PLTP: variants seen among roughly 807,000 people sequenced by gnomAD.
PLTP encodes BPI fold containing family E.
A neutral mutation model predicts 54.1 loss-of-function variants in PLTP; 43 were observed. The ratio of observed to expected loss-of-function variants is 0.79; its 90% CI spans 0.62 to 1.02. The LOEUF is 1.02. Among genes scored for constraint, PLTP ranks in the 50% least tolerant of loss-of-function variants. The probability of loss-of-function intolerance (pLI) is 0.00; values close to 1 mark genes in which losing one functional copy is unlikely to be tolerated. For synonymous variants in PLTP, 263 were observed against 264.6 expected, an observed-to-expected ratio of 0.99 and a Z score of 0.06; for missense variants, 604 against 645.9, an observed-to-expected ratio of 0.94 and a Z score of 0.70.
chr20:45,900,052 G>T (rs532692364), intron 12 of PLTP, among the ~76,000 whole-genome samples, 174 bp from the exon 13 acceptor site: 1 of 151,074 alleles, frequency 6.6e-6, no homozygotes, highest in Non-Finnish European at 1.5e-5. Context: ...CTGCCACTTG[G>T]GTCTCCTTTT....
chr20:45,900,233 T>C (rs1241630166), intron 12 of PLTP, among the ~76,000 whole-genome samples: 1 of 148,322 alleles, frequency 6.7e-6, no homozygotes, highest in African/African-American at 2.5e-5. Context: ...GCCTCCCGAG[T>C]AACTGGGACT....
intron 12 of PLTP, among the ~76,000 whole-genome samples, chr20:45,900,098 CTTTTTTT>C (rs71181874): frequency 1.1e-4 from 6 of 55,742 alleles, no homozygotes; most frequent in African/African-American, 2.8e-4. Context: ...TTGAGCACCT[CTTTTTTT>C]TTTTTTTTTT....
chr20:45,901,456 T>TGGTA (rs930664531), intron 12 of PLTP, among the ~76,000 whole-genome samples: 75 of 152,018 alleles, frequency 4.9e-4, no homozygotes, highest in African/African-American at 1.7e-3. Flanking sequence ...TAGTCAGGCA[T>TGGTA]GGTAGTGCAT....
chr20:45,904,463 C>CA (rs558426126), intron 10 of PLTP, among the ~76,000 whole-genome samples: 25 of 149,546 alleles, frequency 1.7e-4, no homozygotes, highest in Middle Eastern at 6.9e-3. Context: ...ACTCTTGTCT[C>CA]AAAAAAAAAA....
intron 3 of PLTP, 103 bp from the exon 4 acceptor site, chr20:45,910,173 G>T (rs774962695): frequency 1.6e-6 from 2 of 1,271,818 alleles, no homozygotes; most frequent in Non-Finnish European, 2.3e-6. Flanking sequence ...CTGGGGAAGC[G>T]GGAGTGGGTG....
At chr20:45,910,315 G>A (rs2083278165) in intron 3 of PLTP, among the ~76,000 whole-genome samples, 1 of 152,060 alleles carries the variant, frequency 6.6e-6, no homozygotes, top group Admixed American at 6.6e-5. Context: ...TCGCTTAAAA[G>A]TCTTGTTTGT....
At chr20:45,907,926 G>A (rs750651907) in intron 5 of PLTP, 22 bp from the exon 6 acceptor site, 2 of 1,559,254 alleles carry the variant, frequency 1.3e-6, no homozygotes, top group East Asian at 4.7e-5. Context: ...GGAGAGGCCG[G>A]ATGAGCCCAG....
intron 12 of PLTP, among the ~76,000 whole-genome samples, chr20:45,900,523 C>T (rs1031279622): frequency 6.6e-6 from 1 of 151,800 alleles, no homozygotes; most frequent in African/African-American, 2.4e-5. Flanking sequence ...TATTTATTTT[C>T]TTTTTTTATT....
rs761159698 is a variant in PLTP at position 45,907,769 on chromosome 20, G to A, written c.550-14C>T. 5.3e-5 allele frequency: 86 copies of A among 1,612,914 alleles called. 3 individuals carry two copies. In the South Asian group the frequency reaches 9.4e-4, roughly 18 times the overall value. On this transcript the variant is annotated splice_polypyrimidine_tract_variant and intron_variant, in intron 6 of 15. Transcript: ENST00000372431. Reference sequence around the variant, plus strand: ...GACAGGGCAGATCTGCGAGGTGGGAGCCAGAGTCAGGGCCTTCTCAAAGTG... The same window carrying A: ...GACAGGGCAGATCTGCGAGGTGGGAACCAGAGTCAGGGCCTTCTCAAAGTG...
intron 13 of PLTP, 29 bp downstream of exon 13, chr20:45,899,807 G>GGGCCCGCGGGCC: frequency 7.3e-7 from 1 of 1,369,468 alleles, no homozygotes; most frequent in Non-Finnish European, 1.0e-6. Context: ...CACGAACCCA[G>GGGCCCGCGGGCC]CCCAGCCCAC....
Position 45,907,003 on chromosome 20 carries a change from C to T in PLTP, c.614-644G>A, listed in dbSNP as rs2083246006. Among the ~76,000 whole-genome samples the T allele has an allele frequency of 1.6e-5, 2 of 127,514 alleles. 1 individual carries two copies. The highest frequency in any genetic ancestry group is 1.7e-4 in the Admixed American group (2 of 11,702). 83.7% of individuals were successfully genotyped at this position (127,514 alleles called of 152,430 possible). A position where few individuals can be genotyped will look rare whatever the true frequency, so the allele number is the denominator to read the frequency against. ...TAGGTGTGATGGGAAAATACCTTTG[C>T]CCCACAGTAGACAGAGGTCATGGCT... On this transcript the variant is annotated intron_variant, in intron 7 of 15. Coordinates refer to ENST00000372431, the MANE Select transcript of PLTP (RefSeq NM_006227.4).
intron 10 of PLTP, among the ~76,000 whole-genome samples, chr20:45,903,845 G>A (rs389877): frequency 2.6e-5 from 4 of 151,504 alleles, no homozygotes; most frequent in South Asian, 2.1e-4. Flanking sequence ...TCCCCCCACC[G>A]AAAAAAAAAG....
intron 12 of PLTP, among the ~76,000 whole-genome samples, chr20:45,901,268 T>A (rs1307074075): frequency 6.6e-6 from 1 of 152,206 alleles, no homozygotes; most frequent in Non-Finnish European, 1.5e-5. Context: ...ATGCTACTTT[T>A]GCCTGTATTA....
Position 45,911,230 on chromosome 20 carries a change from A to C in PLTP, c.122T>G (p.Phe41Cys). The change falls in exon 3 of 16, where the codon TTT becomes TGT. Residue 41 changes from phenylalanine to cysteine, a missense_variant. By Grantham distance (205) the Phe-to-Cys change is radical. Transcript: ENST00000372431. ...LELVKQEGLR[F>C]LEQELETITI... ...GATAGTCTCCAGCTCTTGCTCCAGA[A>C]AGCGCAGCCCCTCCTGCTTCACTGA... 1 of 1,614,116 alleles carries C rather than the reference A, an allele frequency of 6.2e-7. No individual in the cohort carries two copies. Among genetic ancestry groups the C allele is most frequent in the Non-Finnish European group, 8.5e-7 (1 of 1,180,000 alleles).
chr20:45,899,919 A>G, intron 12 of PLTP, 41 bp from the exon 13 acceptor site: 1 of 1,537,850 alleles, frequency 6.5e-7, no homozygotes, highest in Non-Finnish European at 8.8e-7. Context: ...GAAGCCTGGA[A>G]GCTCCCCTTC....
In PLTP at chr20:45,905,004, CGAA is replaced by C. The variant is rs777087305; in HGVS notation, c.817_819del (p.Phe273del). The C allele has an allele frequency of 1.1e-5, 18 of 1,614,078 alleles. No individual in the cohort carries two copies. In the Admixed American group the frequency reaches 1.2e-4, roughly 10 times the overall value. On this transcript the variant is annotated inframe_deletion, in exon 9 of 16. Coordinates refer to ENST00000372431, the MANE Select transcript of PLTP (RefSeq NM_006227.4). Reference sequence around the variant, plus strand: ...CGGAAGTAGCTCTCCATGGCAGAGTCGAAGAAGAACTCAGAGAAGGCCACATAC... The same window carrying C: ...CGGAAGTAGCTCTCCATGGCAGAGTCGAAGAACTCAGAGAAGGCCACATAC...
rs2083143756 is a variant in PLTP, at chr20:45,898,878, G to A, written c.*63C>T. 5 of 1,587,614 alleles carry A rather than the reference G, an allele frequency of 3.1e-6. No homozygotes were observed. In the African/African-American group the frequency reaches 5.4e-5, roughly 17 times the overall value. On this transcript the variant is annotated 3_prime_UTR_variant, in exon 16 of 16. Transcript: ENST00000372431. This position sits in a 1 kb window ranked among gnomAD's most constrained non-coding sequence, Gnocchi z 4.6. The stretch of plus-strand genomic sequence containing the variant: ...GGGGCACTACAGGCTATGAATGTGG[G>A]AAAAGAGGGGCTGAGAGGGGTTGGG...
intron 1 of PLTP, chr20:45,911,784 C>T: frequency 2.3e-6 from 1 of 441,130 alleles, no homozygotes; most frequent in African/African-American, 2.0e-5. Context: ...TTTCCTTTAG[C>T]GGTGGGCCCA....
At chr20:45,905,758 C>G (rs1405800205) in intron 8 of PLTP, among the ~76,000 whole-genome samples, 1 of 152,226 alleles carries the variant, frequency 6.6e-6, no homozygotes, top group African/African-American at 2.4e-5. Context: ...GCTCCCGAGT[C>G]TGCACTCTGA....
Sources: allele counts gnomAD v4.1 joint callset (sites outside exome capture counted in the v4.1 genomes callset), GRCh38; gene constraint gnomAD v4.1.1; non-coding constraint Gnocchi (gnomAD v3.1); transcripts MANE v1.5; gene names NCBI Gene and HGNC (gene_info 2026-07-23, HGNC 2026-07-21).